The following SHISA6 variants were observed in gnomAD, a reference collection of about 807,000 sequenced individuals.
SHISA6 encodes shisa family member 6.
A neutral mutation model predicts 47.9 loss-of-function variants in SHISA6; 22 were observed. The observed-to-expected ratio is 0.46, with a 90% CI of 0.33 to 0.66. The LOEUF (loss-of-function observed/expected upper bound fraction) is 0.66, where lower values mean the gene tolerates loss of function less well. SHISA6 is among the 30% of genes least tolerant of loss of function. The probability of loss-of-function intolerance (pLI) is 0.02; values close to 1 mark genes in which losing one functional copy is unlikely to be tolerated. For missense variants in SHISA6, 680 were observed against 764.6 expected (o/e 0.89, Z 1.30); for synonymous variants, 388 against 337.8 (o/e 1.15, Z -1.63).
At chr17:11,483,678 A>C (rs1360428255) in intron 3 of SHISA6, among the ~76,000 whole-genome samples, 1 of 152,138 alleles carries the variant, frequency 6.6e-6, no homozygotes, top group Non-Finnish European at 1.5e-5. Context: ...CACACATAGT[A>C]GTGTTACATC....
rs1356161510 is a variant in SHISA6, at chr17:11,322,863, G to A, written c.800-56551G>A. 7.9e-5 allele frequency among the ~76,000 whole-genome samples: 12 copies of A among 152,160 alleles called. 1 individual carries two copies. The highest frequency in any genetic ancestry group is 1.4e-4 in the African/African-American group (6 of 41,430). Reference sequence around the variant, plus strand: ...TTAAAGGCTACATTGGGTGGGGGATGGAAGAGTGGGTATCAGTAGGGTGCT... The same window carrying A: ...TTAAAGGCTACATTGGGTGGGGGATAGAAGAGTGGGTATCAGTAGGGTGCT... On this transcript the variant is annotated intron_variant, in intron 2 of 5. Transcript: ENST00000441885.
chr17:11,309,739 T>G (rs146836906), intron 2 of SHISA6, among the ~76,000 whole-genome samples: 152 of 152,356 alleles, frequency 1.0e-3, no homozygotes, highest in Admixed American at 6.9e-3. Context: ...CTTTGTGTGA[T>G]AACTTTGGCA....
At chr17:11,549,164 G>C (rs772867943) in intron 3 of SHISA6, among the ~76,000 whole-genome samples, 22 of 152,136 alleles carry the variant, frequency 1.4e-4, no homozygotes, top group Non-Finnish European at 2.9e-4. Context: ...ATGTTATTTA[G>C]GTGGGGGAGT....
intron 2 of SHISA6, among the ~76,000 whole-genome samples, chr17:11,281,941 G>A (rs529883521): frequency 4.6e-5 from 7 of 152,252 alleles, no homozygotes; most frequent in South Asian, 2.1e-4. Flanking sequence ...GCTATCTTGC[G>A]TTGATGTGAC....
intron 2 of SHISA6, among the ~76,000 whole-genome samples, chr17:11,291,347 TAAAC>T (rs775948512): frequency 4.8e-4 from 73 of 152,076 alleles, no homozygotes; most frequent in Non-Finnish European, 6.3e-4. Flanking sequence ...CTGGGTGACT[TAAAC>T]AACACGGATT....
At chr17:11,270,823 C>T (rs1321745186) in intron 2 of SHISA6, among the ~76,000 whole-genome samples, 1 of 152,212 alleles carries the variant, frequency 6.6e-6, no homozygotes, top group East Asian at 1.9e-4. Context: ...GAGACACGTC[C>T]TTCTCTGGGA....
At chr17:11,537,706 C>A (rs2071799331) in intron 3 of SHISA6, among the ~76,000 whole-genome samples, 1 of 152,146 alleles carries the variant, frequency 6.6e-6, no homozygotes, top group Non-Finnish European at 1.5e-5. Context: ...TTTCTGCTAC[C>A]TCAAGAGTTG....
At position 11,459,385 on chromosome 17, in the gene SHISA6, C is replaced by T. The variant is rs188603428; in HGVS notation, c.895+79876C>T. 1.4e-4 allele frequency among the ~76,000 whole-genome samples: 22 copies of T among 152,218 alleles called. No individual in the cohort carries two copies. The East Asian group carries it at 4.1e-3, about 28-fold the overall frequency. On this transcript the variant is annotated intron_variant, in intron 3 of 5. Coordinates refer to ENST00000441885, the MANE Select transcript of SHISA6 (RefSeq NM_207386.4). ...CTGCTATAGCATTGCTCAGAGTCTG[C>T]CCTGGATAATAAGGAGTTATTCACA...
chr17:11,284,139 A>G (rs1909218520), intron 2 of SHISA6, among the ~76,000 whole-genome samples: 1 of 152,248 alleles, frequency 6.6e-6, no homozygotes, highest in East Asian at 1.9e-4. Flanking sequence ...TACCTCATCT[A>G]GTAAAAAGTA....
At chr17:11,481,366 G>GTATA (rs768989352) in intron 3 of SHISA6, among the ~76,000 whole-genome samples, 12 of 110,270 alleles carry the variant, frequency 1.1e-4, no homozygotes, top group Non-Finnish European at 1.9e-4. Flanking sequence ...GTGTGTGTGT[G>GTATA]TATATATATA....
chr17:11,425,237 T>C (rs1276616264), intron 3 of SHISA6, among the ~76,000 whole-genome samples: 2 of 146,002 alleles, frequency 1.4e-5, no homozygotes, highest in Admixed American at 6.9e-5. Flanking sequence ...TTGAGGGTGG[T>C]TGGAAACAAA....
intron 2 of SHISA6, among the ~76,000 whole-genome samples, chr17:11,362,459 G>A (rs1597476557): frequency 6.6e-6 from 1 of 152,270 alleles, no homozygotes; most frequent in African/African-American, 2.4e-5. Flanking sequence ...TCTTTTGAAC[G>A]TAATCTCTGT....
intron 2 of SHISA6, among the ~76,000 whole-genome samples, chr17:11,302,448 G>A (rs911989287): frequency 2.0e-5 from 3 of 152,190 alleles, no homozygotes; most frequent in African/African-American, 7.2e-5. Flanking sequence ...AGGACATCCA[G>A]ATCTTTTCTC....
At chr17:11,525,631 C>CAAAAAAAAAA (rs548619604) in intron 3 of SHISA6, among the ~76,000 whole-genome samples, 28 of 58,900 alleles carry the variant, frequency 4.8e-4, no homozygotes, top group Non-Finnish European at 5.6e-4. Context: ...GACTCCGTCT[C>CAAAAAAAAAA]AAAAAAAAAA....
intron 3 of SHISA6, among the ~76,000 whole-genome samples, chr17:11,463,409 C>G (rs1221984703): frequency 6.6e-6 from 1 of 152,034 alleles, no homozygotes; most frequent in Non-Finnish European, 1.5e-5. Context: ...AAAGAAAATA[C>G]TGAAGAACAA....
At chr17:11,520,981 TGA>T (rs1460713345) in intron 3 of SHISA6, among the ~76,000 whole-genome samples, 3 of 152,138 alleles carry the variant, frequency 2.0e-5, no homozygotes, top group African/African-American at 7.2e-5. Flanking sequence ...TAGAAACCCC[TGA>T]GAGAGTTTTC....
intron 2 of SHISA6, among the ~76,000 whole-genome samples, chr17:11,274,703 C>A (rs1030201876): frequency 6.6e-6 from 1 of 152,202 alleles, no homozygotes; most frequent in Non-Finnish European, 1.5e-5. Context: ...TTCGTTAGGG[C>A]CTACAGGAGC....
rs374006041 is a variant in SHISA6 at position 11,558,333 on chromosome 17, C to T, written c.*29C>T. On this transcript the variant is annotated 3_prime_UTR_variant, in exon 6 of 6. Coordinates refer to ENST00000441885, the MANE Select transcript of SHISA6 (RefSeq NM_207386.4). Reference sequence around the variant, plus strand: ...GCGGGGCAGGGCCGGGGCTGCTGGGCGTGGCAGAGCAGAGCGGGGGCCGGG... The same window carrying T: ...GCGGGGCAGGGCCGGGGCTGCTGGGTGTGGCAGAGCAGAGCGGGGGCCGGG... 45 of 1,528,334 alleles carry T rather than the reference C, an allele frequency of 2.9e-5. No individual in the cohort carries two copies. Among genetic ancestry groups the T allele is most frequent in the East Asian group, 7.4e-5 (3 of 40,800 alleles). 94.7% of individuals were successfully genotyped at this position (1,528,334 alleles called of 1,614,324 possible).
Position 11,347,605 on chromosome 17 carries a change from G to A in SHISA6, c.800-31809G>A, listed in dbSNP as rs566283447. ...TAGAAGTATTAAGCAACTTGCCTAA[G>A]GTCAAATAGAAAGTCAATTGCAAGC... is the stretch of plus-strand genomic sequence containing the variant. On this transcript the variant is annotated intron_variant, in intron 2 of 5. Coordinates refer to ENST00000441885, the MANE Select transcript of SHISA6 (RefSeq NM_207386.4). Among the ~76,000 whole-genome samples the A allele has an allele frequency of 4.6e-5, 7 of 152,270 alleles. No individual in the cohort carries two copies. In the East Asian group the frequency reaches 1.2e-3, roughly 25 times the overall value.
Sources: gnomAD v4.1 joint callset for allele counts (sites outside exome capture counted in the v4.1 genomes callset) on GRCh38, gnomAD v4.1.1 for gene constraint, MANE v1.5 for transcripts, NCBI Gene and HGNC (gene_info 2026-07-23, HGNC 2026-07-21) for gene names.